The following RGS12 variants were observed in gnomAD, a reference collection of about 807,000 sequenced individuals.
RGS12 encodes the protein regulator of G protein signaling 12.
Under a neutral mutation model 120.1 loss-of-function variants are expected in RGS12, and 66 were observed. The ratio of observed to expected loss-of-function variants is 0.55; its 90% CI spans 0.45 to 0.67. The LOEUF (loss-of-function observed/expected upper bound fraction) is 0.67, where lower values mean the gene tolerates loss of function less well. Ranked by LOEUF, RGS12 falls within the 30% of genes least tolerant of loss-of-function variation. The pLI, the probability that RGS12 is intolerant of heterozygous loss-of-function variation, is 0.00. For missense variants in RGS12, 1,859 were observed against 1,957.7 expected (o/e 0.95, Z 0.95); for synonymous variants, 827 against 804.7 (o/e 1.03, Z -0.47).
intron 3 of RGS12, among the ~76,000 whole-genome samples, chr4:3,353,684 G>A (rs1714597708): frequency 6.6e-6 from 1 of 152,152 alleles, no homozygotes; most frequent in South Asian, 2.1e-4. Context: ...AGGAACCAAT[G>A]TGAGGGTTCT....
chr4:3,399,371 G>T (rs182501946), intron 4 of RGS12, among the ~76,000 whole-genome samples: 53 of 152,324 alleles, frequency 3.5e-4, no homozygotes, highest in African/African-American at 1.3e-3. Flanking sequence ...GCTTATGCCT[G>T]TAATCTCAGC....
At chr4:3,435,167 C>A (rs566029890) in intron 17 of RGS12, among the ~76,000 whole-genome samples, 1 of 152,252 alleles carries the variant, frequency 6.6e-6, no homozygotes, top group South Asian at 2.1e-4. Flanking sequence ...GCCCTCAGGG[C>A]CCCCGGAGCT....
intron 3 of RGS12, among the ~76,000 whole-genome samples, chr4:3,352,384 C>G (rs182189162): frequency 6.6e-6 from 1 of 152,152 alleles, no homozygotes; most frequent in Non-Finnish European, 1.5e-5. Flanking sequence ...GTGCCTCATA[C>G]CAGTTCTAAG....
chr4:3,324,312 G>A (rs548655601), intron 2 of RGS12: 11 of 157,290 alleles, frequency 7.0e-5, no homozygotes, highest in Non-Finnish European at 1.3e-4. Context: ...ATCACCACCC[G>A]CTGAGCCTTC....
rs1473834569 is a variant in RGS12, at chr4:3,317,945, A to G, written c.1775A>G (p.Gln592Arg). Residue 592 changes from glutamine to arginine, a missense_variant, in exon 2 of 18, where the codon CAG (glutamine) becomes CGG (arginine). Transcript: ENST00000336727. ...TACAGGGTGGAGGGCAGCTTCGCGC[A>G]GCCCCCGCTGAATGCCCCGAAGAGG... is the stretch of plus-strand genomic sequence containing the variant. ...DRYRVEGSFAQPPLNAPKREW... is the reference protein window; with the variant it reads ...DRYRVEGSFARPPLNAPKREW... The G allele has an allele frequency of 6.2e-7, 1 of 1,614,182 alleles. No individual in the cohort carries two copies. The highest frequency in any genetic ancestry group is 1.7e-5 in the Admixed American group (1 of 60,034).
rs1196926360 is a variant in RGS12, at chr4:3,372,499, C to T, written c.1999-13917C>T. Among the ~76,000 whole-genome samples, 1 of 152,228 alleles carries T rather than the reference C, an allele frequency of 6.6e-6. No homozygotes were observed. ...CCGAGCTGTTGGCTTCCCCGATGTT[C>T]CCCCTGTGCTCGAGCTAGGGGTTTG... On this transcript the variant is annotated intron_variant, in intron 3 of 17. Transcript: ENST00000336727. This position sits in a 1 kb window ranked among gnomAD's most constrained non-coding sequence, Gnocchi z 4.3.
chr4:3,317,236 G>GCT lies in RGS12; in HGVS notation c.1068_1069dup (p.Arg357LeufsTer41). The GCT allele has an allele frequency of 6.2e-7, 1 of 1,614,174 alleles. No individual in the cohort carries two copies. The highest frequency in any genetic ancestry group is 8.5e-7 in the Non-Finnish European group (1 of 1,180,042). ...TAATCACAAGATCCACCAAGGCATT[G>GCT]CTCGGCGGTTTGGGTTTGAGTGCAC... On this transcript the variant is annotated frameshift_variant, in exon 2 of 18. Transcript: ENST00000336727. LOFTEE classifies it high-confidence loss of function.
At chr4:3,311,903 G>A (rs1352533036) in intron 1 of RGS12, among the ~76,000 whole-genome samples, 1 of 152,232 alleles carries the variant, frequency 6.6e-6, no homozygotes, top group Admixed American at 6.5e-5. Flanking sequence ...GGCGAGTGGG[G>A]ACCTTCGTGT....
chr4:3,423,527 T>C lies in RGS12; in HGVS notation c.3120T>C (p.Val1040=). The C allele has an allele frequency of 6.2e-7, 1 of 1,613,162 alleles. No homozygotes were observed. The highest frequency in any genetic ancestry group is 1.1e-5 in the South Asian group (1 of 91,074). The part of the protein sequence containing the change: ...EKRTLFRLDL[V]PINRSVGLKA... ...CATCCCCCACCAGGCTGGATCTTGT[T>C]CCGATTAACCGGTCAGTGGGACTCA... The change falls in exon 13 of 18, where the codon GTT becomes GTC. Residue 1040 remains valine (V), a synonymous_variant. Coordinates refer to ENST00000336727, the MANE Select transcript of RGS12 (RefSeq NM_001394154.1).
In RGS12 at chr4:3,439,837, G is replaced by A. The variant is rs987325752; in HGVS notation, c.*153G>A. The A allele has an allele frequency of 5.6e-5, 38 of 680,550 alleles. No homozygotes were observed. Among genetic ancestry groups the A allele is most frequent in the Non-Finnish European group, 6.8e-5 (29 of 427,136 alleles). The allele number at this position is 680,550 out of a possible 1,614,324, so 42.2% of individuals were successfully genotyped here. On this transcript the variant is annotated 3_prime_UTR_variant, in exon 18 of 18. Coordinates refer to ENST00000336727, the MANE Select transcript of RGS12 (RefSeq NM_001394154.1). ...TGACCTCGCTGGAGGCACTGGCCCC[G>A]GACATTCGCCATGCTGGCCATGGGG...
intron 2 of RGS12, among the ~76,000 whole-genome samples, chr4:3,323,816 C>T (rs184282180): frequency 2.4e-4 from 37 of 151,708 alleles, no homozygotes; most frequent in African/African-American, 7.8e-4. Flanking sequence ...AAATTGCTCA[C>T]CAAAGAGGTT....
intron 3 of RGS12, among the ~76,000 whole-genome samples, chr4:3,362,658 G>A (rs1288914324): frequency 7.3e-6 from 1 of 136,844 alleles, no homozygotes. Context: ...TGTCAGTGTG[G>A]GACTGAGGCT....
At chr4:3,362,077 G>A (rs887470304) in intron 3 of RGS12, among the ~76,000 whole-genome samples, 34 of 152,324 alleles carry the variant, frequency 2.2e-4, no homozygotes, top group African/African-American at 6.3e-4. Context: ...GCGGCCGTCC[G>A]CTGTGGATGG....
intron 1 of RGS12, among the ~76,000 whole-genome samples, chr4:3,301,687 C>G (rs1020820671): frequency 6.6e-6 from 1 of 151,158 alleles, no homozygotes. Context: ...AGGCCGGGGT[C>G]TGGGCTGTGC....
At chr4:3,428,055 G>A (rs368870738) in intron 14 of RGS12, 35 bp from the exon 15 acceptor site, 64 of 1,586,280 alleles carry the variant, frequency 4.0e-5, no homozygotes, top group African/African-American at 1.5e-4. Flanking sequence ...ATGGATTTGC[G>A]AGTCCCTGAA....
intron 2 of RGS12, among the ~76,000 whole-genome samples, chr4:3,318,329 G>A (rs938235786): frequency 6.6e-6 from 1 of 152,196 alleles, no homozygotes; most frequent in Non-Finnish European, 1.5e-5. Flanking sequence ...GGTGGCGAGA[G>A]GGAAGTTGTT....
chr4:3,438,220 G>A (rs929385054), intron 17 of RGS12, among the ~76,000 whole-genome samples: 2 of 152,140 alleles, frequency 1.3e-5, no homozygotes, highest in African/African-American at 4.8e-5. Flanking sequence ...CTCCACCCTG[G>A]CATGGACATG....
intron 3 of RGS12, among the ~76,000 whole-genome samples, chr4:3,367,821 G>A (rs1358760340): frequency 6.6e-6 from 1 of 152,226 alleles, no homozygotes; most frequent in Non-Finnish European, 1.5e-5. Context: ...CCTAGAGAGA[G>A]ACAGGAGAAC....
intron 2 of RGS12, among the ~76,000 whole-genome samples, chr4:3,338,668 C>T (rs1459730491): frequency 6.6e-6 from 1 of 152,148 alleles, no homozygotes; most frequent in Non-Finnish European, 1.5e-5. Context: ...GTGTCTGCTC[C>T]ACTCAGTGCC....
Sources: allele counts gnomAD v4.1 joint callset (sites outside exome capture counted in the v4.1 genomes callset), GRCh38; gene constraint gnomAD v4.1.1; non-coding constraint Gnocchi (gnomAD v3.1); transcripts MANE v1.5; gene names NCBI Gene and HGNC (gene_info 2026-07-23, HGNC 2026-07-21).